Variants in ELP4 observed in about 807,000 individuals in gnomAD.
ELP4 encodes elongator complex protein 4.
A neutral mutation model predicts 48.9 loss-of-function variants in ELP4; 51 were observed. The ratio of observed to expected loss-of-function variants is 1.04; its 90% CI spans 0.83 to 1.32. The LOEUF (loss-of-function observed/expected upper bound fraction) is 1.32. Ranked by LOEUF, ELP4 falls within the 40% of genes most tolerant of loss-of-function variation. ELP4 has a pLI of 0.00. For synonymous variants in ELP4, 210 were observed against 189.2 expected (o/e 1.11, Z -0.90); for missense variants, 519 against 514.6 (o/e 1.01, Z -0.08).
intron 3 of ELP4, among the ~76,000 whole-genome samples, chr11:31,557,152 G>A (rs916319843): frequency 6.6e-6 from 1 of 151,690 alleles, no homozygotes; most frequent in African/African-American, 2.4e-5. Context: ...TTAAAATTTA[G>A]ACTAACATCT....
intron 9 of ELP4, among the ~76,000 whole-genome samples, chr11:31,723,106 A>G (rs1947002268): frequency 6.6e-6 from 1 of 152,204 alleles, no homozygotes; most frequent in Non-Finnish European, 1.5e-5. Flanking sequence ...GGGCAGGACA[A>G]CTGTCTCCAT....
In ELP4 at chr11:31,788,648, A is replaced by T. The variant is rs1199464781; in HGVS notation, c.*5124A>T. 4.6e-6 allele frequency: 1 copy of T among 217,784 alleles called. No individual in the cohort carries two copies. The highest frequency in any genetic ancestry group is 9.3e-6 in the Non-Finnish European group (1 of 108,106). 13.5% of individuals were successfully genotyped at this position (217,784 alleles called of 1,614,324 possible). ...CTAGCTAATCGCTTGTTGCATTTTT[A>T]AATTATTTCTAGACTTTGAGCTTTA... On this transcript the variant is annotated 3_prime_UTR_variant, in exon 10 of 10. Coordinates refer to ENST00000640961, the MANE Select transcript of ELP4 (RefSeq NM_019040.5).
At chr11:31,781,646 ACAC>A (rs1251379708) in intron 9 of ELP4, among the ~76,000 whole-genome samples, 2 of 151,450 alleles carry the variant, frequency 1.3e-5, no homozygotes, top group African/African-American at 4.9e-5. Context: ...TTACAGGCAC[ACAC>A]CACCACACCC....
intron 9 of ELP4, among the ~76,000 whole-genome samples, chr11:31,687,122 G>A (rs1283056875): frequency 6.6e-6 from 1 of 152,134 alleles, no homozygotes; most frequent in East Asian, 1.9e-4. Flanking sequence ...GATGAGGTTG[G>A]TGTCTTTCAT....
intron 9 of ELP4, among the ~76,000 whole-genome samples, chr11:31,699,765 C>G (rs1946482697): frequency 6.6e-6 from 1 of 152,116 alleles, no homozygotes; most frequent in Admixed American, 6.6e-5. Context: ...ACAAGTGGGT[C>G]AACTTCATGT....
chr11:31,548,335 C>A (rs1316052512), intron 3 of ELP4, among the ~76,000 whole-genome samples: 231 of 151,988 alleles, frequency 1.5e-3, no homozygotes, highest in Admixed American at 5.7e-3. Context: ...TTCTTATACA[C>A]CAATAACAGA....
chr11:31,605,974 C>T (rs1592153160), intron 5 of ELP4, among the ~76,000 whole-genome samples: 1 of 151,830 alleles, frequency 6.6e-6, no homozygotes, highest in Non-Finnish European at 1.5e-5. Flanking sequence ...TTTACTGAGG[C>T]AGTAAATGTA....
chr11:31,722,476 CA>C (rs1946984586), intron 9 of ELP4, among the ~76,000 whole-genome samples: 2 of 152,248 alleles, frequency 1.3e-5, no homozygotes, highest in South Asian at 4.1e-4. Context: ...TGTGACTTCT[CA>C]GTGAAAATGC....
At chr11:31,728,912 A>G (rs1035695617) in intron 9 of ELP4, among the ~76,000 whole-genome samples, 3 of 152,184 alleles carry the variant, frequency 2.0e-5, no homozygotes, top group Admixed American at 6.5e-5. Context: ...CTCGTGATAA[A>G]TTACACCATG....
chr11:31,555,989 A>G (rs943453452), intron 3 of ELP4, among the ~76,000 whole-genome samples: 3 of 151,952 alleles, frequency 2.0e-5, no homozygotes, highest in Admixed American at 6.6e-5. Flanking sequence ...ACCTATAACC[A>G]ACGCAAATAT....
chr11:31,652,089 T>C (rs1362049629), intron 9 of ELP4: 1 of 151,736 alleles, frequency 6.6e-6, no homozygotes, highest in Non-Finnish European at 1.5e-5. Context: ...TAAGAATCAT[T>C]ATAATTGGTC....
At chr11:31,693,364 G>A (rs535434601) in intron 9 of ELP4, among the ~76,000 whole-genome samples, 1 of 151,694 alleles carries the variant, frequency 6.6e-6, no homozygotes, top group Admixed American at 6.6e-5. Context: ...CTGTGTCTAA[G>A]TGTTCTCATC....
At chr11:31,771,755 A>G (rs770744036) in intron 9 of ELP4, among the ~76,000 whole-genome samples, 23 of 152,304 alleles carry the variant, frequency 1.5e-4, no homozygotes, top group East Asian at 3.9e-4. Context: ...CAAGGCGGGC[A>G]GATCACAAGG....
chr11:31,742,214 C>T (rs566641000), intron 9 of ELP4, among the ~76,000 whole-genome samples: 4 of 152,044 alleles, frequency 2.6e-5, no homozygotes, highest in African/African-American at 4.8e-5. Context: ...TGAAAAGAAA[C>T]GAACAAAGCC....
chr11:31,640,511 T>C (rs1055009539), intron 7 of ELP4, among the ~76,000 whole-genome samples: 4 of 151,956 alleles, frequency 2.6e-5, no homozygotes, highest in African/African-American at 9.7e-5. Flanking sequence ...TTTATCCCTT[T>C]CCTATTAATT....
chr11:31,787,089 C>G lies in ELP4; in HGVS notation c.*3565C>G, dbSNP rs1948699735. On this transcript the variant is annotated 3_prime_UTR_variant, in exon 10 of 10. Transcript: ENST00000640961. ...CCAACTCCCAGGCACTGCTACCACA[C>G]AGAGCCTGCCATGCTGTCCCCAAGA... 1 of 231,708 alleles carries G rather than the reference C, an allele frequency of 4.3e-6. No homozygotes were observed. Among genetic ancestry groups the G allele is most frequent in the Non-Finnish European group, 8.5e-6 (1 of 117,138 alleles). 14.4% of individuals were successfully genotyped at this position (231,708 alleles called of 1,614,324 possible).
At chr11:31,698,108 T>G (rs1946448745) in intron 9 of ELP4, among the ~76,000 whole-genome samples, 1 of 152,208 alleles carries the variant, frequency 6.6e-6, no homozygotes. Flanking sequence ...ATACTGTTGT[T>G]TAACCTTCCC....
chr11:31,722,693 C>G (rs55637610), intron 9 of ELP4, among the ~76,000 whole-genome samples: 4 of 121,662 alleles, frequency 3.3e-5, no homozygotes, highest in South Asian at 2.7e-4. Flanking sequence ...CTCTCTCTCT[C>G]TCTGTCTCTC....
chr11:31,511,170 T>A (rs1955994653), intron 1 of ELP4: 1 of 152,196 alleles, frequency 6.6e-6, no homozygotes, highest in Non-Finnish European at 1.5e-5. Context: ...TTGTTTCAAA[T>A]ATATTTTCCT....
Sources: allele counts gnomAD v4.1 joint callset (sites outside exome capture counted in the v4.1 genomes callset), GRCh38; gene constraint gnomAD v4.1.1; transcripts MANE v1.5; gene names NCBI Gene and HGNC (gene_info 2026-07-23, HGNC 2026-07-21).